CAP2: variants seen among roughly 807,000 people sequenced by gnomAD.
CAP2 encodes the protein adenylyl cyclase-associated protein 2.
Under a neutral mutation model 57.7 loss-of-function variants are expected in CAP2, and 24 were observed. That is an observed-to-expected ratio of 0.42 (90% confidence interval 0.30 to 0.58). The LOEUF (loss-of-function observed/expected upper bound fraction) is 0.58, where lower values mean the gene tolerates loss of function less well. CAP2 is among the 20% of genes least tolerant of loss of function. The probability of loss-of-function intolerance (pLI) is 0.22; values close to 1 mark genes in which losing one functional copy is unlikely to be tolerated. For synonymous variants in CAP2, 194 were observed against 207.2 expected, an observed-to-expected ratio of 0.94 and a Z score of 0.55; for missense variants, 501 against 590.3, an observed-to-expected ratio of 0.85 and a Z score of 1.57.
intron 7 of CAP2, among the ~76,000 whole-genome samples, chr6:17,529,651 A>AAAAAAAAAAAAAATATATATATAT (rs10656588): frequency 7.4e-6 from 1 of 134,538 alleles, no homozygotes; most frequent in African/African-American, 2.9e-5. Flanking sequence ...AAAAAAAAAA[A>AAAAAAAAAAAAAATATATATATAT]ATATATATAT....
At chr6:17,526,064 G>A (rs867183697) in intron 7 of CAP2, among the ~76,000 whole-genome samples, 7 of 150,732 alleles carry the variant, frequency 4.6e-5, no homozygotes, top group Admixed American at 2.0e-4. Context: ...TTTCCAAAGC[G>A]TTAGTCCATT....
At chr6:17,452,178 G>A (rs757775243) in intron 3 of CAP2, among the ~76,000 whole-genome samples, 19 of 152,162 alleles carry the variant, frequency 1.2e-4, no homozygotes, top group Non-Finnish European at 2.2e-4. Flanking sequence ...TTAAAATGCC[G>A]ACTAATGATG....
intron 3 of CAP2, among the ~76,000 whole-genome samples, chr6:17,457,918 ACT>A (rs929024565): frequency 6.6e-6 from 1 of 152,234 alleles, no homozygotes; most frequent in African/African-American, 2.4e-5. Context: ...CATCTGAATT[ACT>A]GTTTCCACAG....
At chr6:17,473,830 A>G (rs566811760) in intron 4 of CAP2, among the ~76,000 whole-genome samples, 5 of 152,324 alleles carry the variant, frequency 3.3e-5, no homozygotes, top group Non-Finnish European at 7.3e-5. Flanking sequence ...ATGTGCACCA[A>G]CCAGTGAGGG....
chr6:17,508,177 G>A (rs1156732013), intron 6 of CAP2, among the ~76,000 whole-genome samples: 2 of 152,196 alleles, frequency 1.3e-5, no homozygotes, highest in Middle Eastern at 3.2e-3. Context: ...GGAAACCAGA[G>A]ACTCAGTTAA....
chr6:17,437,698 GA>G (rs776187355), intron 3 of CAP2, among the ~76,000 whole-genome samples: 5 of 151,926 alleles, frequency 3.3e-5, no homozygotes, highest in Non-Finnish European at 5.9e-5. Flanking sequence ...CCAACACGGT[GA>G]AACCCTGTCT....
At chr6:17,500,765 T>C (rs374324952) in intron 4 of CAP2, among the ~76,000 whole-genome samples, 2 of 152,330 alleles carry the variant, frequency 1.3e-5, no homozygotes, top group East Asian at 3.9e-4. Context: ...TTAGAATATA[T>C]AGATAAGCCA....
chr6:17,469,237 C>A (rs1194995668), intron 4 of CAP2, among the ~76,000 whole-genome samples: 1 of 152,216 alleles, frequency 6.6e-6, no homozygotes, highest in Non-Finnish European at 1.5e-5. Context: ...CAGTCTAACC[C>A]TGAGTAGTTT....
chr6:17,519,937 A>G (rs1762352717), intron 7 of CAP2, among the ~76,000 whole-genome samples: 1 of 152,202 alleles, frequency 6.6e-6, no homozygotes, highest in African/African-American at 2.4e-5. Context: ...TTCGGTTGTT[A>G]AACTTGTTGA....
At chr6:17,467,202 G>A (rs1259659689) in intron 4 of CAP2, among the ~76,000 whole-genome samples, 1 of 152,146 alleles carries the variant, frequency 6.6e-6, no homozygotes, top group African/African-American at 2.4e-5. Flanking sequence ...AGAGAACCTA[G>A]CTCTGCCTTG....
At chr6:17,501,839 T>A (rs184283133) in intron 4 of CAP2, among the ~76,000 whole-genome samples, 2 of 152,316 alleles carry the variant, frequency 1.3e-5, no homozygotes, top group East Asian at 3.9e-4. Flanking sequence ...TACAGTCGCA[T>A]CCAGCTAAGA....
chr6:17,489,748 G>C (rs1320445569), intron 4 of CAP2, among the ~76,000 whole-genome samples: 1 of 151,812 alleles, frequency 6.6e-6, no homozygotes, highest in East Asian at 1.9e-4. Context: ...CACTAGCTGA[G>C]ATTCTATTTG....
intron 4 of CAP2, among the ~76,000 whole-genome samples, chr6:17,494,258 A>G (rs935961234): frequency 6.6e-6 from 1 of 152,170 alleles, no homozygotes; most frequent in African/African-American, 2.4e-5. Flanking sequence ...ATTCAGGATA[A>G]AAGCCAAAAT....
intron 1 of CAP2, among the ~76,000 whole-genome samples, chr6:17,408,898 T>C (rs1311220728): frequency 2.0e-5 from 3 of 151,134 alleles, no homozygotes; most frequent in African/African-American, 7.3e-5. Flanking sequence ...CTTGATCTCC[T>C]GACCTTGTGA....
intron 3 of CAP2, among the ~76,000 whole-genome samples, chr6:17,454,572 G>A (rs917080341): frequency 1.3e-5 from 2 of 152,330 alleles, no homozygotes; most frequent in Non-Finnish European, 2.9e-5. Context: ...CCTGTGCTCA[G>A]CAGAGAGGCA....
At chr6:17,411,394 T>A (rs1393682176) in intron 1 of CAP2, among the ~76,000 whole-genome samples, 3 of 152,248 alleles carry the variant, frequency 2.0e-5, no homozygotes, top group Non-Finnish European at 4.4e-5. Context: ...CTGTCCCATT[T>A]TCCATATTCA....
At chr6:17,457,723 A>C (rs2113588784) in intron 3 of CAP2, among the ~76,000 whole-genome samples, 1 of 152,356 alleles carries the variant, frequency 6.6e-6, no homozygotes, top group East Asian at 1.9e-4. Flanking sequence ...TTGGAGGAAG[A>C]GACTAATTAA....
chr6:17,491,090 A>G (rs886157924), intron 4 of CAP2, among the ~76,000 whole-genome samples: 1 of 152,114 alleles, frequency 6.6e-6, no homozygotes. Context: ...ATCATGTCCC[A>G]GAAATGTGAG....
chr6:17,549,073 TG>T (rs1763114886), intron 11 of CAP2, among the ~76,000 whole-genome samples: 1 of 152,218 alleles, frequency 6.6e-6, no homozygotes, highest in African/African-American at 2.4e-5. Flanking sequence ...AGACATCATA[TG>T]AAGCTGAAAG....
Sources: allele counts gnomAD v4.1 joint callset (sites outside exome capture counted in the v4.1 genomes callset), GRCh38; gene constraint gnomAD v4.1.1; transcripts MANE v1.5; gene names NCBI Gene and HGNC (gene_info 2026-07-23, HGNC 2026-07-21).